The following LINGO2 variants were observed in gnomAD, a reference collection of about 807,000 sequenced individuals.
LINGO2 encodes the protein leucine rich repeat and Ig domain containing 2, also known as leucine-rich repeat and immunoglobulin-like domain-containing nogo receptor-interacting protein 2.
A neutral mutation model predicts 30.6 loss-of-function variants in LINGO2; 14 were observed. The observed-to-expected ratio is 0.46, with a 90% CI of 0.30 to 0.72. The LOEUF is 0.72. LINGO2 is among the 30% of genes least tolerant of loss of function. The pLI, the probability that LINGO2 is intolerant of heterozygous loss-of-function variation, is 0.07. For missense variants in LINGO2, 729 were observed against 751.7 expected (o/e 0.97, Z 0.35); for synonymous variants, 317 against 288.5 (o/e 1.10, Z -1.00).
chr9:28,621,016 A>G (rs1168798316), intron 1 of LINGO2, among the ~76,000 whole-genome samples: 1 of 152,112 alleles, frequency 6.6e-6, no homozygotes, highest in Non-Finnish European at 1.5e-5. Context: ...AAAGTGCAAG[A>G]AATGTCTAAA....
At chr9:28,880,289 T>C in the LINGO2 span, among the ~76,000 whole-genome samples, 9 of 152,150 alleles carry the variant, frequency 5.9e-5, no homozygotes, top group Admixed American at 4.6e-4. Flanking sequence ...GAAAAAGACT[T>C]GTACCTTAAA....
chr9:28,108,469 T>G (rs1257690360), intron 4 of LINGO2, among the ~76,000 whole-genome samples: 2 of 152,026 alleles, frequency 1.3e-5, no homozygotes, highest in Admixed American at 1.3e-4. Flanking sequence ...ATCGATCTTT[T>G]ATACTCACTC....
At chr9:28,565,745 G>T (rs1378950137) in intron 1 of LINGO2, among the ~76,000 whole-genome samples, 1 of 151,118 alleles carries the variant, frequency 6.6e-6, no homozygotes, top group African/African-American at 2.4e-5. Context: ...TAGTAGAGAC[G>T]GGGTTTCACC....
chr9:28,078,820 C>T (rs1395091211), intron 4 of LINGO2, among the ~76,000 whole-genome samples: 2 of 146,414 alleles, frequency 1.4e-5, no homozygotes, highest in East Asian at 3.9e-4. Flanking sequence ...TGCACTCCAG[C>T]CTGGGCAACA....
At chr9:28,983,233 G>A in the LINGO2 span, among the ~76,000 whole-genome samples, 1 of 149,234 alleles carries the variant, frequency 6.7e-6, no homozygotes, top group Non-Finnish European at 1.5e-5. Flanking sequence ...AATGAGGAAC[G>A]TATTGTGTCT....
the LINGO2 span, among the ~76,000 whole-genome samples, chr9:28,793,413 T>C: frequency 1.6e-4 from 25 of 152,316 alleles, no homozygotes; most frequent in African/African-American, 5.8e-4. Context: ...TCTCTCAGTC[T>C]TTTTCGATCA....
the LINGO2 span, among the ~76,000 whole-genome samples, chr9:29,010,533 T>C: frequency 6.6e-6 from 1 of 152,156 alleles, no homozygotes; most frequent in Non-Finnish European, 1.5e-5. Flanking sequence ...TTACCAACTT[T>C]CTTAAATGCA....
chr9:28,490,179 G>T (rs1587744608), intron 1 of LINGO2, among the ~76,000 whole-genome samples: 1 of 152,072 alleles, frequency 6.6e-6, no homozygotes, highest in African/African-American at 2.4e-5. Flanking sequence ...TAGGGGAGCA[G>T]GCCCAGTGGA....
At chr9:29,210,473 C>G in the LINGO2 span, among the ~76,000 whole-genome samples, 3 of 152,072 alleles carry the variant, frequency 2.0e-5, no homozygotes, top group East Asian at 5.8e-4. Context: ...ATGAGTATCA[C>G]TTTTTCACAC....
In LINGO2 at chr9:28,149,295, G is replaced by T. The variant is rs576652280; in HGVS notation, c.-86-136890C>A. 32 of 589,890 alleles carry T rather than the reference G, an allele frequency of 5.4e-5. No individual in the cohort carries two copies. In the African/African-American group the frequency reaches 6.0e-4, roughly 11 times the overall value. The allele number at this position is 589,890 out of a possible 1,614,324, so 36.5% of individuals were successfully genotyped here. On this transcript the variant is annotated intron_variant, in intron 4 of 5. Coordinates refer to ENST00000379992, the Ensembl canonical transcript of LINGO2. ...AGGAGGTCAAGAGATTGAGACCTGA[G>T]GAGCATCTCTGCCTGCACCATCTGG...
chr9:27,974,520 G>A (rs1019744486), intron 5 of LINGO2, among the ~76,000 whole-genome samples: 4 of 152,018 alleles, frequency 2.6e-5, no homozygotes, highest in Non-Finnish European at 5.9e-5. Flanking sequence ...GGATTCCCTC[G>A]AAGAACCTGC....
chr9:28,149,288 G>C (rs113200722), intron 4 of LINGO2: 1 of 598,968 alleles, frequency 1.7e-6, no homozygotes, highest in Non-Finnish European at 2.9e-6. Context: ...AAGAGATTGA[G>C]ACCTGAGGAG....
chr9:28,963,733 CT>C, the LINGO2 span, among the ~76,000 whole-genome samples: 42 of 151,930 alleles, frequency 2.8e-4, no homozygotes, highest in African/African-American at 9.6e-4. Flanking sequence ...GAAATTTGAT[CT>C]TATGGAGTTA....
chr9:28,975,556 A>G, the LINGO2 span, among the ~76,000 whole-genome samples: 1 of 152,206 alleles, frequency 6.6e-6, no homozygotes, highest in South Asian at 2.1e-4. Context: ...AAGTAGAAAC[A>G]GCCATGTTAT....
intron 3 of LINGO2, among the ~76,000 whole-genome samples, chr9:28,346,060 T>C (rs1819552946): frequency 6.6e-6 from 1 of 152,172 alleles, no homozygotes; most frequent in East Asian, 1.9e-4. Flanking sequence ...AAGACCATCA[T>C]TTAAAAAAGC....
intron 1 of LINGO2, among the ~76,000 whole-genome samples, chr9:28,618,830 A>T (rs1165876842): frequency 6.6e-6 from 1 of 152,110 alleles, no homozygotes; most frequent in South Asian, 2.1e-4. Flanking sequence ...TGTATCTGGC[A>T]CATAAAATGT....
At chr9:29,095,523 G>A in the LINGO2 span, among the ~76,000 whole-genome samples, 219 of 138,194 alleles carry the variant, frequency 1.6e-3, 34 homozygotes, top group Non-Finnish European at 4.6e-4. Context: ...GGACAACAGG[G>A]TATCAATGCA....
the LINGO2 span, among the ~76,000 whole-genome samples, chr9:28,895,527 A>C: frequency 6.6e-6 from 1 of 152,164 alleles, no homozygotes; most frequent in Non-Finnish European, 1.5e-5. Context: ...TCTCCAAAAA[A>C]TTACGTAATC....
chr9:28,155,262 A>G (rs1216717675), intron 4 of LINGO2, among the ~76,000 whole-genome samples: 1 of 152,242 alleles, frequency 6.6e-6, no homozygotes, highest in African/African-American at 2.4e-5. Context: ...TCTAGAAGTC[A>G]TGGCAAACAA....
Sources: allele counts gnomAD v4.1 joint callset (sites outside exome capture counted in the v4.1 genomes callset), GRCh38; gene constraint gnomAD v4.1.1; transcripts MANE v1.5; gene names NCBI Gene and HGNC (gene_info 2026-07-23, HGNC 2026-07-21).